DLG2: variants seen among roughly 807,000 people sequenced by gnomAD.
DLG2 encodes discs large MAGUK scaffold protein 2.
In DLG2, 45 loss-of-function variants were observed where a neutral mutation model predicts 132.5. The ratio of observed to expected loss-of-function variants is 0.34; its 90% confidence interval spans 0.27 to 0.44. DLG2 has a LOEUF of 0.44. Ranked by LOEUF, DLG2 falls within the 20% of genes least tolerant of loss-of-function variation. The pLI is 1.00. For missense variants in DLG2, 1,045 were observed against 1,196.9 expected, an observed-to-expected ratio of 0.87 and a Z score of 1.87; for synonymous variants, 424 against 419.6, an observed-to-expected ratio of 1.01 and a Z score of -0.13.
intron 3 of DLG2, among the ~76,000 whole-genome samples, chr11:85,540,262 C>A (rs529240727): frequency 1.3e-5 from 2 of 152,262 alleles, no homozygotes; most frequent in South Asian, 2.1e-4. Context: ...TCTGGCCCAC[C>A]ACATCCCCCC....
intron 7 of DLG2, among the ~76,000 whole-genome samples, chr11:84,462,556 C>A (rs1433784049): frequency 6.6e-6 from 1 of 151,082 alleles, no homozygotes; most frequent in Non-Finnish European, 1.5e-5. Context: ...ACAAACCCTT[C>A]ATGTTTCACA....
chr11:84,560,529 C>A (rs542702653), intron 6 of DLG2, among the ~76,000 whole-genome samples: 4 of 151,958 alleles, frequency 2.6e-5, no homozygotes, highest in Admixed American at 1.3e-4. Flanking sequence ...TCTGAATGTG[C>A]GCCTCTAATA....
chr11:84,857,093 A>G (rs1048441949), intron 6 of DLG2, among the ~76,000 whole-genome samples: 10 of 151,452 alleles, frequency 6.6e-5, no homozygotes, highest in African/African-American at 2.4e-4. Context: ...AAAGATGCCA[A>G]ATAAAAATAC....
At chr11:83,849,718 T>G (rs1031636483) in intron 16 of DLG2, among the ~76,000 whole-genome samples, 3 of 151,386 alleles carry the variant, frequency 2.0e-5, no homozygotes, top group Non-Finnish European at 4.4e-5. Context: ...GCAGGTTTTA[T>G]GTGGTCTGGA....
intron 15 of DLG2, among the ~76,000 whole-genome samples, chr11:83,882,232 T>C (rs910014248): frequency 2.6e-5 from 4 of 152,254 alleles, no homozygotes; most frequent in African/African-American, 9.6e-5. Context: ...TGGCCAGACG[T>C]TGAAAATTCC....
chr11:83,605,989 C>T (rs893505542), intron 19 of DLG2, among the ~76,000 whole-genome samples: 2 of 152,208 alleles, frequency 1.3e-5, no homozygotes, highest in African/African-American at 4.8e-5. Flanking sequence ...AGGGAACATA[C>T]ATTTGTTGAG....
intron 6 of DLG2, among the ~76,000 whole-genome samples, chr11:84,924,223 C>T (rs1047293661): frequency 6.6e-6 from 1 of 152,134 alleles, no homozygotes. Flanking sequence ...ATTTAGGGTG[C>T]TATACCCTTA....
At chr11:84,037,522 G>A (rs2095900622) in intron 11 of DLG2, among the ~76,000 whole-genome samples, 6 of 152,036 alleles carry the variant, frequency 3.9e-5, no homozygotes. Context: ...TGACTTAAAT[G>A]TAAAAAACTG....
In DLG2 at chr11:85,046,955, G is replaced by A. The variant is rs1469899290; in HGVS notation, c.357+64706C>T. Among the ~76,000 whole-genome samples, 3 of 151,544 alleles carry A rather than the reference G, an allele frequency of 2.0e-5. No individual in the cohort carries two copies. In the East Asian group the frequency reaches 5.8e-4, roughly 29 times the overall value. ...AGAGATATGTTCTTTTTATTTGTTTGTTTGTTGACAATTTCTAAAAAGCTT... is the reference window on the plus strand; with the variant it reads ...AGAGATATGTTCTTTTTATTTGTTTATTTGTTGACAATTTCTAAAAAGCTT... On this transcript the variant is annotated intron_variant, in intron 6 of 27. Coordinates refer to ENST00000376104, the MANE Select transcript of DLG2 (RefSeq NM_001142699.3).
At chr11:84,887,685 T>C (rs10898316) in intron 6 of DLG2, among the ~76,000 whole-genome samples, 10,616 of 152,176 alleles carry the variant, frequency 0.07, 373 homozygotes, top group Admixed American at 0.093. Flanking sequence ...TACCACCTTT[T>C]GATCCCTACA....
intron 6 of DLG2, among the ~76,000 whole-genome samples, chr11:84,637,343 G>A (rs1268889937): frequency 6.6e-6 from 1 of 152,204 alleles, no homozygotes; most frequent in Non-Finnish European, 1.5e-5. Flanking sequence ...CTCTATCACA[G>A]CATTGTTTAT....
intron 6 of DLG2, among the ~76,000 whole-genome samples, chr11:84,980,600 CTTGATACCTTTCAGCCAA>C (rs1437219459): frequency 6.6e-6 from 1 of 152,122 alleles, no homozygotes; most frequent in Non-Finnish European, 1.5e-5. Context: ...AAACAGGGTT[CTTGATACCTTTCAGCCAA>C]TTCCAGCACC....
At chr11:84,180,663 T>G (rs1464866249) in intron 8 of DLG2, among the ~76,000 whole-genome samples, 1 of 151,986 alleles carries the variant, frequency 6.6e-6, no homozygotes. Context: ...TTTTAAAGTC[T>G]TGAAAGAAGC....
chr11:84,975,457 C>T (rs1444497730), intron 6 of DLG2, among the ~76,000 whole-genome samples: 1 of 152,142 alleles, frequency 6.6e-6, no homozygotes, highest in Admixed American at 6.6e-5. Flanking sequence ...CACTGGAATG[C>T]AATGCCCAGT....
At chr11:84,828,703 C>T (rs2078649174) in intron 6 of DLG2, among the ~76,000 whole-genome samples, 1 of 151,716 alleles carries the variant, frequency 6.6e-6, no homozygotes, top group African/African-American at 2.4e-5. Context: ...AATAGAATCA[C>T]CTTAATACCA....
intron 6 of DLG2, among the ~76,000 whole-genome samples, chr11:84,998,709 T>C (rs1211960792): frequency 1.3e-5 from 2 of 152,210 alleles, no homozygotes; most frequent in East Asian, 3.9e-4. Context: ...CCTGAAATTA[T>C]TATAATTTTC....
chr11:83,689,902 ATTTATG>A (rs2080548648), intron 18 of DLG2, among the ~76,000 whole-genome samples: 4 of 145,426 alleles, frequency 2.8e-5, no homozygotes, highest in African/African-American at 5.0e-5. Context: ...ACATAAATAT[ATTTATG>A]TAAATATTAT....
In DLG2 at chr11:83,893,004, T is replaced by C. The variant is rs150541337; in HGVS notation, c.1497-18516A>G. 5.7e-3 allele frequency among the ~76,000 whole-genome samples: 873 copies of C among 152,316 alleles called. 6 individuals carry two copies. The highest frequency in any genetic ancestry group is 0.02 in the African/African-American group (824 of 41,570). ...GGCCTACAATCTTCCTTTCTGTAAA[T>C]AGAGGTACCGCTCACTGAGTTCAGT... On this transcript the variant is annotated intron_variant, in intron 15 of 27. Coordinates refer to ENST00000376104, the MANE Select transcript of DLG2 (RefSeq NM_001142699.3).
chr11:85,444,178 C>A (rs1466774286), intron 3 of DLG2, among the ~76,000 whole-genome samples: 1 of 152,066 alleles, frequency 6.6e-6, no homozygotes, highest in African/African-American at 2.4e-5. Flanking sequence ...TAAAAAAATG[C>A]TACCAAAATC....
Sources: gnomAD v4.1 joint callset for allele counts (sites outside exome capture counted in the v4.1 genomes callset) on GRCh38, gnomAD v4.1.1 for gene constraint, MANE v1.5 for transcripts, NCBI Gene and HGNC (gene_info 2026-07-23, HGNC 2026-07-21) for gene names.